ARHGEF33: variants seen among roughly 807,000 people sequenced by gnomAD.
ARHGEF33 encodes the protein Rho guanine nucleotide exchange factor 33, also known as DH and coiled-coil domain-containing protein ENSP00000381780.
Under a neutral mutation model 101.9 loss-of-function variants are expected in ARHGEF33, and 72 were observed. That is an observed-to-expected ratio of 0.71 (90% confidence interval 0.58 to 0.86). ARHGEF33 has a LOEUF of 0.86. ARHGEF33 is among the 40% of genes least tolerant of loss of function. The probability of loss-of-function intolerance (pLI) is 0.00; values close to 1 mark genes in which losing one functional copy is unlikely to be tolerated. For missense variants in ARHGEF33, 1,169 were observed against 1,111.3 expected, an observed-to-expected ratio of 1.05 and a Z score of -0.74; for synonymous variants, 499 against 442.5, an observed-to-expected ratio of 1.13 and a Z score of -1.60.
chr2:38,902,213 C>T (rs1211675719), intron 2 of ARHGEF33, among the ~76,000 whole-genome samples: 1 of 150,330 alleles, frequency 6.7e-6, no homozygotes, highest in African/African-American at 2.5e-5. Flanking sequence ...TAGCTGAGAA[C>T]AGATTAAAGT....
chr2:38,949,816 A>G (rs1158751914), intron 10 of ARHGEF33, among the ~76,000 whole-genome samples: 1 of 152,212 alleles, frequency 6.6e-6, no homozygotes, highest in Non-Finnish European at 1.5e-5. Flanking sequence ...CAGGAAACTT[A>G]CAATTATGGT....
At chr2:38,892,731 C>A (rs1224733177) in intron 1 of ARHGEF33, among the ~76,000 whole-genome samples, 2 of 152,180 alleles carry the variant, frequency 1.3e-5, no homozygotes, top group Non-Finnish European at 2.9e-5. Context: ...CCTTCTGAAT[C>A]TGAGAGTGAC....
Position 38,960,558 on chromosome 2 carries a change from C to A in ARHGEF33, c.2253C>A (p.Ala751=). Residue 751 remains alanine, a synonymous_variant, in exon 16 of 18, where the codon GCC becomes GCA. Transcript: ENST00000409978. ...CCGCGCAGGCGCACGGCCCGGCCGC[C>A]GCCGCCGTCGCCGCCCGCGGCGCAT... is the stretch of plus-strand genomic sequence containing the variant. ...ERAAQAHGPA[A]AAVAARGASR... 2 of 1,266,152 alleles carry A rather than the reference C, an allele frequency of 1.6e-6. No individual in the cohort carries two copies. Among genetic ancestry groups the A allele is most frequent in the Non-Finnish European group, 2.0e-6 (2 of 989,402 alleles). 78.4% of individuals were successfully genotyped at this position (1,266,152 alleles called of 1,614,324 possible). A position where few individuals can be genotyped will look rare whatever the true frequency, so the allele number is the denominator to read the frequency against.
intron 17 of ARHGEF33, 21 bp downstream of exon 17, chr2:38,966,166 A>T: frequency 1.9e-6 from 3 of 1,548,378 alleles, no homozygotes; most frequent in Non-Finnish European, 2.6e-6. Context: ...CTTAGACAAG[A>T]CAGCATTGTA....
intron 14 of ARHGEF33, among the ~76,000 whole-genome samples, chr2:38,957,530 G>T (rs1180888832): frequency 6.6e-6 from 1 of 152,152 alleles, no homozygotes; most frequent in Admixed American, 6.5e-5. Context: ...TAAATAAGAT[G>T]GTGATATGTG....
chr2:38,917,369 G>A (rs957600152), intron 2 of ARHGEF33, among the ~76,000 whole-genome samples: 2 of 152,086 alleles, frequency 1.3e-5, no homozygotes, highest in African/African-American at 4.8e-5. Context: ...TGGGATTACA[G>A]GCATGAGCCA....
At chr2:38,896,007 G>A (rs1261006187) in intron 2 of ARHGEF33, among the ~76,000 whole-genome samples, 158 bp downstream of exon 2, 1 of 152,128 alleles carries the variant, frequency 6.6e-6, no homozygotes, top group African/African-American at 2.4e-5. Context: ...TAAACAAATT[G>A]TGAGATTACT....
intron 10 of ARHGEF33, among the ~76,000 whole-genome samples, chr2:38,945,547 T>A (rs1394317903): frequency 5.3e-5 from 8 of 152,260 alleles, no homozygotes; most frequent in Admixed American, 5.2e-4. Flanking sequence ...TTCCCCCTCC[T>A]TGACCCTCCC....
chr2:38,921,782 C>A (rs1262569779), intron 4 of ARHGEF33, among the ~76,000 whole-genome samples: 1 of 152,156 alleles, frequency 6.6e-6, no homozygotes, highest in African/African-American at 2.4e-5. Flanking sequence ...CACTACCACG[C>A]CCACCTCAAC....
At chr2:38,905,581 C>G (rs1666370297) in intron 2 of ARHGEF33, among the ~76,000 whole-genome samples, 1 of 152,154 alleles carries the variant, frequency 6.6e-6, no homozygotes, top group Non-Finnish European at 1.5e-5. Flanking sequence ...AGTGTTAGAT[C>G]TCAGTCTAGT....
At chr2:38,972,506 TGGGCGGC>T (rs908058342) in intron 17 of ARHGEF33, among the ~76,000 whole-genome samples, 2 of 152,194 alleles carry the variant, frequency 1.3e-5, no homozygotes, top group Non-Finnish European at 2.9e-5. Context: ...GAAAGCATGG[TGGGCGGC>T]TATGGCTTCA....
chr2:38,951,613 A>G (rs568842405), intron 11 of ARHGEF33, among the ~76,000 whole-genome samples: 68 of 152,262 alleles, frequency 4.5e-4, no homozygotes, highest in African/African-American at 1.6e-3. Context: ...TTAAATTAAA[A>G]AAAAAGTATA....
chr2:38,932,131 A>T (rs1369803722), intron 7 of ARHGEF33, among the ~76,000 whole-genome samples: 1 of 151,004 alleles, frequency 6.6e-6, no homozygotes, highest in Non-Finnish European at 1.5e-5. Context: ...TTTTATTATC[A>T]TTTTTTTTTG....
intron 2 of ARHGEF33, 148 bp downstream of exon 2, chr2:38,895,997 TAAAC>T (rs1251869663): frequency 6.6e-6 from 1 of 152,208 alleles, no homozygotes; most frequent in Non-Finnish European, 1.5e-5. Flanking sequence ...AACCATCAAA[TAAAC>T]AAATTGTGAG....
intron 8 of ARHGEF33, 80 bp from the exon 9 acceptor site, chr2:38,937,255 A>T: frequency 1.4e-6 from 1 of 718,142 alleles, no homozygotes; most frequent in South Asian, 1.7e-5. Context: ...CGGCCTCCGA[A>T]AGTGGTAACA....
intron 7 of ARHGEF33, among the ~76,000 whole-genome samples, chr2:38,932,185 C>T (rs1043317125): frequency 3.9e-5 from 6 of 152,098 alleles, no homozygotes; most frequent in Admixed American, 6.5e-5. Flanking sequence ...TGCAGTGGCA[C>T]GATCTCGGCT....
intron 9 of ARHGEF33, among the ~76,000 whole-genome samples, chr2:38,939,437 C>T (rs1397856278): frequency 6.6e-6 from 1 of 152,154 alleles, no homozygotes; most frequent in Non-Finnish European, 1.5e-5. Context: ...GGCTAATATT[C>T]CCACTAGCAA....
At chr2:38,938,646 A>T (rs186610702) in intron 9 of ARHGEF33, among the ~76,000 whole-genome samples, 4 of 152,204 alleles carry the variant, frequency 2.6e-5, no homozygotes, top group African/African-American at 4.8e-5. Context: ...GACATTTTAC[A>T]TGTGTCTATC....
At chr2:38,906,041 C>T (rs7605127) in intron 2 of ARHGEF33, among the ~76,000 whole-genome samples, 23 of 151,814 alleles carry the variant, frequency 1.5e-4, no homozygotes, top group African/African-American at 5.1e-4. Flanking sequence ...CCCAGGAGTT[C>T]GAGATCAGGG....
Sources: gnomAD v4.1 joint callset for allele counts (sites outside exome capture counted in the v4.1 genomes callset) on GRCh38, gnomAD v4.1.1 for gene constraint, MANE v1.5 for transcripts, NCBI Gene and HGNC (gene_info 2026-07-23, HGNC 2026-07-21) for gene names.